TAS1R2: variants seen among roughly 807,000 people sequenced by gnomAD.
The protein encoded by TAS1R2 is taste receptor type 1 member 2.
A neutral mutation model predicts 49.3 loss-of-function variants in TAS1R2; 47 were observed. That is an observed-to-expected ratio of 0.95 (90% CI 0.75 to 1.22). The LOEUF is 1.22. TAS1R2 is among the 50% of genes most tolerant of loss of function. The probability of loss-of-function intolerance (pLI) is 0.00; values close to 1 mark genes in which losing one functional copy is unlikely to be tolerated. For missense variants in TAS1R2, 1,155 were observed against 1,122.1 expected (o/e 1.03, Z -0.42); for synonymous variants, 479 against 467.9 (o/e 1.02, Z -0.31).
At chr1:18,849,289 G>T in intron 4 of TAS1R2, 52 bp downstream of exon 4, 1 of 1,599,850 alleles carries the variant, frequency 6.3e-7, no homozygotes, top group South Asian at 1.1e-5. Flanking sequence ...ACTCCAGCAA[G>T]GGCCCCAGGC....
chr1:18,843,873 T>C (rs533651693), intron 4 of TAS1R2, among the ~76,000 whole-genome samples: 72 of 152,348 alleles, frequency 4.7e-4, no homozygotes, highest in Middle Eastern at 3.4e-3. Context: ...AGTCTTCATA[T>C]AAGGGAAATG....
At chr1:18,851,217 G>T (rs559436515) in intron 3 of TAS1R2, among the ~76,000 whole-genome samples, 3 of 152,328 alleles carry the variant, frequency 2.0e-5, no homozygotes, top group African/African-American at 7.2e-5. Context: ...GCTGTGTGGG[G>T]AAGAGCCAGA....
At chr1:18,840,338 G>A (rs1266184342) in exon 6 of TAS1R2, 1 of 1,614,128 alleles carries the variant, frequency 6.2e-7, no homozygotes, top group African/African-American at 1.3e-5. Context: ...GCGAACTATG[G>A]GTGTCTGGAA....
At chr1:18,843,049 A>G (rs1218769363) in intron 4 of TAS1R2, among the ~76,000 whole-genome samples, 1 of 152,248 alleles carries the variant, frequency 6.6e-6, no homozygotes, top group Non-Finnish European at 1.5e-5. Context: ...ATCTGTATTT[A>G]AAAAGAAGAA....
intron 3 of TAS1R2, among the ~76,000 whole-genome samples, chr1:18,851,264 T>C (rs969201331): frequency 8.5e-5 from 13 of 152,204 alleles, no homozygotes; most frequent in African/African-American, 2.4e-4. Context: ...ATAAAAGGAT[T>C]GGACCAGAAC....
chr1:18,847,530 A>G (rs1393417321), intron 4 of TAS1R2, among the ~76,000 whole-genome samples: 1 of 141,746 alleles, frequency 7.1e-6, no homozygotes, highest in Non-Finnish European at 1.5e-5. Flanking sequence ...GACTGGGGGG[A>G]AGAGGGTGCA....
chr1:18,849,215 G>A, intron 4 of TAS1R2, 126 bp downstream of exon 4: 1 of 1,009,760 alleles, frequency 9.9e-7, no homozygotes, highest in South Asian at 1.6e-5. Context: ...CCCACAAATA[G>A]ACATCCCCCC....
intron 4 of TAS1R2, 128 bp from the exon 5 acceptor site, chr1:18,841,980 T>A (rs1487487550): frequency 2.4e-6 from 2 of 830,114 alleles, no homozygotes; most frequent in South Asian, 3.8e-5. Flanking sequence ...GGGTGGAAAC[T>A]GTAGAAAAAA....
At chr1:18,847,775 A>G (rs1418821236) in intron 4 of TAS1R2, among the ~76,000 whole-genome samples, 1 of 152,222 alleles carries the variant, frequency 6.6e-6, no homozygotes, top group East Asian at 1.9e-4. Context: ...GTATTAGTCC[A>G]CTTTCAAGCT....
At chr1:18,844,526 G>T (rs902661248) in intron 4 of TAS1R2, among the ~76,000 whole-genome samples, 2 of 152,126 alleles carry the variant, frequency 1.3e-5, no homozygotes, top group Non-Finnish European at 2.9e-5. Flanking sequence ...GGCCAAGGTC[G>T]GCAGATCAAT....
rs1429624834 is a variant in TAS1R2 at position 18,851,544 on chromosome 1, T to C, written c.1258-1994A>G. Among the ~76,000 whole-genome samples, 4 of 152,112 alleles carry C rather than the reference T, an allele frequency of 2.6e-5. No individual in the cohort carries two copies. The East Asian group carries it at 7.7e-4, about 29-fold the overall frequency. On this transcript the variant is annotated intron_variant, in intron 3 of 5. Transcript: ENST00000375371. Reference sequence around the variant, plus strand: ...TGGGGTTTCACCATGTTGGCCAGGCTGGTCTCGAACTCCTGACGTCATGAT... The same window carrying C: ...TGGGGTTTCACCATGTTGGCCAGGCCGGTCTCGAACTCCTGACGTCATGAT...
At position 18,854,797 on chromosome 1, in the gene TAS1R2, C is replaced by T. The variant is rs773800332; in HGVS notation, c.673G>A (p.Glu225Lys). 5.6e-6 allele frequency: 9 copies of T among 1,605,412 alleles called. No homozygotes were observed. Among genetic ancestry groups the T allele is most frequent in the African/African-American group, 1.3e-5 (1 of 74,962 alleles). ...CAGATGTCGCGCCGGGCCACGCGCT[C>T]GCCAAGCAGCTGGCCATTGTCGCGG... The change falls in exon 3 of 6, where the codon GAG becomes AAG. Residue 225 changes from glutamate (E) to lysine (K), a missense_variant. Coordinates refer to ENST00000375371, the Ensembl canonical transcript of TAS1R2. The surrounding 1 kb of genome is among the most constrained non-coding windows in gnomAD (Gnocchi z 4.9).
At chr1:18,841,701 G>C (rs534963778) in intron 5 of TAS1R2, 28 bp downstream of exon 5, 1 of 1,603,674 alleles carries the variant, frequency 6.2e-7, no homozygotes, top group East Asian at 2.2e-5. Flanking sequence ...CAGGGGCAGG[G>C]CAGGAGTGCT....
chr1:18,850,336 GTAGTGTCCATTTGGCTATATCT>G (rs1351565337), intron 3 of TAS1R2, among the ~76,000 whole-genome samples: 1 of 152,200 alleles, frequency 6.6e-6, no homozygotes, highest in Non-Finnish European at 1.5e-5. Context: ...TCCATAAATG[GTAGTGTCCATTTGGCTATATCT>G]TTAGGGCTCA....
At chr1:18,841,985 A>T in intron 4 of TAS1R2, 133 bp from the exon 5 acceptor site, 255 of 579,542 alleles carry the variant, frequency 4.4e-4, no homozygotes, top group East Asian at 1.1e-3. Context: ...GAAACTGTAG[A>T]AAAAAAAAAA....
At chr1:18,846,222 C>A (rs1246839874) in intron 4 of TAS1R2, among the ~76,000 whole-genome samples, 4 of 152,222 alleles carry the variant, frequency 2.6e-5, no homozygotes, top group Non-Finnish European at 5.9e-5. Context: ...CATGGGAGGC[C>A]TCTGAAGCTA....
At chr1:18,857,221 G>T in intron 2 of TAS1R2, 110 bp downstream of exon 2, 1 of 1,253,964 alleles carries the variant, frequency 8.0e-7, no homozygotes, top group Non-Finnish European at 1.1e-6. Flanking sequence ...CCTGCTTCTG[G>T]TCCTATCATC....
chr1:18,858,418 TCAC>T (rs1215796770), intron 1 of TAS1R2: 4 of 151,262 alleles, frequency 2.6e-5, no homozygotes, highest in South Asian at 2.1e-4. Flanking sequence ...ATCACTATCA[TCAC>T]CACCAACACC....
chr1:18,843,907 C>T (rs72651845), intron 4 of TAS1R2, among the ~76,000 whole-genome samples: 27,913 of 152,128 alleles, frequency 0.18, 2,891 homozygotes, highest in Admixed American at 0.21. Context: ...GCCAGTGGGT[C>T]CAAGTAAATT....
Sources: allele counts gnomAD v4.1 joint callset (sites outside exome capture counted in the v4.1 genomes callset), GRCh38; gene constraint gnomAD v4.1.1; non-coding constraint Gnocchi (gnomAD v3.1); transcripts MANE v1.5; gene names NCBI Gene and HGNC (gene_info 2026-07-23, HGNC 2026-07-21).